Variants in PTPRB observed in about 807,000 individuals in gnomAD.
The protein encoded by PTPRB is protein tyrosine phosphatase receptor type B, also known as receptor-type tyrosine-protein phosphatase beta.
In PTPRB, 97 loss-of-function variants were observed where a neutral mutation model predicts 238.1. The ratio of observed to expected loss-of-function variants is 0.41; its 90% CI spans 0.35 to 0.48. PTPRB has a LOEUF of 0.48. Ranked by LOEUF, PTPRB falls within the 20% of genes least tolerant of loss-of-function variation. PTPRB has a pLI of 0.30. For synonymous variants in PTPRB, 970 were observed against 995.4 expected (o/e 0.97, Z 0.48); for missense variants, 2,292 against 2,681.9 (o/e 0.85, Z 3.21).
At position 70,552,759 on chromosome 12, in the gene PTPRB, A is replaced by G; in HGVS notation, c.5387+18T>C. 6.2e-7 allele frequency: 1 copy of G among 1,613,074 alleles called. No homozygotes were observed. Among genetic ancestry groups the G allele is most frequent in the Non-Finnish European group, 8.5e-7 (1 of 1,179,302 alleles). On this transcript the variant is annotated intron_variant, in intron 21 of 33. Coordinates refer to ENST00000334414, the MANE Select transcript of PTPRB (RefSeq NM_001109754.4). Reference sequence around the variant, plus strand: ...TGTAGCATGTCCCTTCTAGCAAAACAGTGGTAATATATCTAACCTGTAGGC... The same window carrying G: ...TGTAGCATGTCCCTTCTAGCAAAACGGTGGTAATATATCTAACCTGTAGGC...
chr12:70,595,212 A>G lies in PTPRB; in HGVS notation c.1259-488T>C, dbSNP rs1019533248. 5.9e-5 allele frequency among the ~76,000 whole-genome samples: 9 copies of G among 152,044 alleles called. No homozygotes were observed. In the East Asian group the frequency reaches 1.7e-3, roughly 29 times the overall value. Reference sequence around the variant, plus strand: ...CTAACACAGGAACAGAAAACCAAACACTGCATGTTCTCACTCATAAGTGGG... The same window carrying G: ...CTAACACAGGAACAGAAAACCAAACGCTGCATGTTCTCACTCATAAGTGGG... On this transcript the variant is annotated intron_variant, in intron 5 of 33. Coordinates refer to ENST00000334414, the MANE Select transcript of PTPRB (RefSeq NM_001109754.4).
At chr12:70,549,400 T>C (rs1876548306) in intron 21 of PTPRB, among the ~76,000 whole-genome samples, 1 of 152,194 alleles carries the variant, frequency 6.6e-6, no homozygotes, top group African/African-American at 2.4e-5. Context: ...TTTCCTAACC[T>C]TCCAACTCTC....
intron 4 of PTPRB, 22 bp from the exon 5 acceptor site, chr12:70,596,349 AC>A: frequency 8.0e-7 from 1 of 1,244,960 alleles, no homozygotes; most frequent in Non-Finnish European, 1.0e-6. Flanking sequence ...ATACACACAC[AC>A]ACACAAAAAA....
chr12:70,582,249 T>C (rs1008819269), intron 9 of PTPRB, among the ~76,000 whole-genome samples: 2 of 152,110 alleles, frequency 1.3e-5, no homozygotes, highest in Non-Finnish European at 2.9e-5. Flanking sequence ...CATTGACTTC[T>C]GGATTAAGAT....
At chr12:70,540,742 C>T (rs943421199) in intron 23 of PTPRB, 116 bp downstream of exon 23, 1 of 766,772 alleles carries the variant, frequency 1.3e-6, no homozygotes, top group African/African-American at 1.8e-5. Context: ...AAAACAGTGA[C>T]AATTTAACCT....
chr12:70,623,116 T>C (rs1885021743), intron 2 of PTPRB, among the ~76,000 whole-genome samples: 1 of 152,180 alleles, frequency 6.6e-6, no homozygotes, highest in South Asian at 2.1e-4. Context: ...AGAATCACTG[T>C]TAATGACTTG....
chr12:70,609,942 G>A, intron 3 of PTPRB: 1 of 761,494 alleles, frequency 1.3e-6, no homozygotes, highest in South Asian at 4.5e-5. Flanking sequence ...CTTCCCTCGG[G>A]GCTGGCGACG....
In PTPRB at chr12:70,635,945, C is replaced by A. The variant is rs188989964; in HGVS notation, c.177G>T (p.Lys59Asn). The A allele has an allele frequency of 1.8e-4, 293 of 1,613,672 alleles. 2 individuals are homozygous for A. In the African/African-American group the frequency reaches 3.1e-3, roughly 17 times the overall value. The part of the protein sequence containing the change: ...NQQWMWTEDE[K>N]LLHVKSALCL... The stretch of plus-strand genomic sequence containing the variant: ...ACAGTGCAGATTTAACATGAAGGAG[C>A]TTTTCATCCTCAGTCCACATCCACT... Residue 59 changes from lysine to asparagine, a missense_variant, in exon 2 of 34, where the codon AAG becomes AAT. Transcript: ENST00000334414.
intron 2 of PTPRB, among the ~76,000 whole-genome samples, chr12:70,624,345 C>A (rs561938481): frequency 6.6e-6 from 1 of 152,212 alleles, no homozygotes; most frequent in East Asian, 1.9e-4. Flanking sequence ...TACTAGATCT[C>A]GGCTTTGATT....
intron 4 of PTPRB, among the ~76,000 whole-genome samples, chr12:70,603,927 G>A (rs7303928): frequency 0.21 from 32,646 of 152,022 alleles, 3,634 homozygotes; most frequent in South Asian, 0.29. Flanking sequence ...AATAAAATTA[G>A]GCTATAGATG....
chr12:70,523,276 T>A (rs1314452867), intron 33 of PTPRB, among the ~76,000 whole-genome samples: 1 of 152,190 alleles, frequency 6.6e-6, no homozygotes, highest in Non-Finnish European at 1.5e-5. Context: ...TGCCTCAGCC[T>A]CCCAAGTAGC....
intron 10 of PTPRB, among the ~76,000 whole-genome samples, chr12:70,577,277 C>G (rs1880890343): frequency 6.6e-6 from 1 of 152,080 alleles, no homozygotes; most frequent in African/African-American, 2.4e-5. Flanking sequence ...GCTGGACCAA[C>G]CAAGGGCAGA....
chr12:70,606,695 C>T (rs966590878), intron 4 of PTPRB, among the ~76,000 whole-genome samples: 1 of 152,114 alleles, frequency 6.6e-6, no homozygotes, highest in Non-Finnish European at 1.5e-5. Flanking sequence ...CTCTATAGCT[C>T]AGCAATTAAC....
At chr12:70,572,775 T>TAAAAAAAAAA (rs10709963) in intron 11 of PTPRB, among the ~76,000 whole-genome samples, 19 of 93,924 alleles carry the variant, frequency 2.0e-4, no homozygotes, top group East Asian at 3.0e-4. Flanking sequence ...CTCCATCTCA[T>TAAAAAAAAAA]AAAAAAAAAA....
intron 21 of PTPRB, among the ~76,000 whole-genome samples, chr12:70,545,488 C>G (rs1250106238): frequency 1.3e-5 from 2 of 152,192 alleles, no homozygotes; most frequent in Non-Finnish European, 2.9e-5. Flanking sequence ...TGTATGGTCA[C>G]TAGTCTTGGA....
chr12:70,523,074 G>A (rs1592378050), intron 33 of PTPRB, among the ~76,000 whole-genome samples: 1 of 151,794 alleles, frequency 6.6e-6, no homozygotes, highest in African/African-American at 2.4e-5. Context: ...TGTTGGCCAG[G>A]CTGGTCTTGA....
intron 4 of PTPRB, among the ~76,000 whole-genome samples, chr12:70,602,957 A>G (rs898107688): frequency 1.3e-5 from 2 of 152,222 alleles, no homozygotes; most frequent in Non-Finnish European, 2.9e-5. Context: ...CCAGGTCAGA[A>G]AAATCTAATA....
At chr12:70,599,637 A>C (rs987557054) in intron 4 of PTPRB, among the ~76,000 whole-genome samples, 3 of 152,196 alleles carry the variant, frequency 2.0e-5, no homozygotes, top group African/African-American at 7.2e-5. Context: ...AACAACAGTA[A>C]GTTCTATAAT....
chr12:70,599,360 T>A (rs1292935502), intron 4 of PTPRB, among the ~76,000 whole-genome samples: 1 of 152,164 alleles, frequency 6.6e-6, no homozygotes, highest in African/African-American at 2.4e-5. Context: ...ATATAATTTA[T>A]GTGAATGGTT....
Sources: gnomAD v4.1 joint callset for allele counts (sites outside exome capture counted in the v4.1 genomes callset) on GRCh38, gnomAD v4.1.1 for gene constraint, MANE v1.5 for transcripts, NCBI Gene and HGNC (gene_info 2026-07-23, HGNC 2026-07-21) for gene names.